Variants in TSPAN5 observed in about 807,000 individuals in gnomAD.
The protein encoded by TSPAN5 is tetraspanin-5.
In TSPAN5, 10 loss-of-function variants were observed where a neutral mutation model predicts 37.1. That is an observed-to-expected ratio of 0.27 (90% CI 0.17 to 0.46). TSPAN5 has a LOEUF of 0.46. Ranked by LOEUF, TSPAN5 falls within the 20% of genes least tolerant of loss-of-function variation. TSPAN5 has a pLI of 1.00. For missense variants in TSPAN5, 195 were observed against 326.6 expected (o/e 0.60, Z 3.11); for synonymous variants, 110 against 118.9 (o/e 0.93, Z 0.48).
At chr4:98,602,112 G>T (rs1755897187) in intron 1 of TSPAN5, among the ~76,000 whole-genome samples, 1 of 152,068 alleles carries the variant, frequency 6.6e-6, no homozygotes, top group South Asian at 2.1e-4. Context: ...TAGTAACAAT[G>T]AAAAAGTATG....
intron 2 of TSPAN5, among the ~76,000 whole-genome samples, chr4:98,490,987 G>A (rs549673597): frequency 4.6e-5 from 7 of 152,148 alleles, no homozygotes; most frequent in South Asian, 2.1e-4. Context: ...GCGTGAACCC[G>A]GGAGGCGGAG....
At position 98,590,475 on chromosome 4, in the gene TSPAN5, C is replaced by T. The variant is rs767045722; in HGVS notation, c.81+67671G>A. Among the ~76,000 whole-genome samples the T allele has an allele frequency of 2.6e-5, 4 of 152,048 alleles. No individual in the cohort carries two copies. In the East Asian group the frequency reaches 7.7e-4, roughly 29 times the overall value. Reference sequence around the variant, plus strand: ...CCTGTAATCCCAGCACTTTGGGAGGCCGAGGTGGGCAGATCACGAGGTCAG... The same window carrying T: ...CCTGTAATCCCAGCACTTTGGGAGGTCGAGGTGGGCAGATCACGAGGTCAG... On this transcript the variant is annotated intron_variant, in intron 1 of 7. Coordinates refer to ENST00000305798, the MANE Select transcript of TSPAN5 (RefSeq NM_005723.4).
In TSPAN5 at chr4:98,658,173, G is replaced by A; in HGVS notation, c.54C>T (p.Phe18=). The stretch of plus-strand genomic sequence containing the variant: ...AAAATATGACATTGAAGCCAAATAT[G>A]AAGTATTTGATGCAACAACTGACTT... The part of the protein sequence containing the change: ...GPEVSCCIKY[F]IFGFNVIFWF... The change falls in exon 1 of 8, where the codon TTC becomes TTT. Residue 18 remains phenylalanine (F), a synonymous_variant. Transcript: ENST00000305798. 3 of 1,614,070 alleles carry A rather than the reference G, an allele frequency of 1.9e-6. No individual in the cohort carries two copies. Among genetic ancestry groups the A allele is most frequent in the Non-Finnish European group, 2.5e-6 (3 of 1,179,904 alleles).
intron 1 of TSPAN5, among the ~76,000 whole-genome samples, chr4:98,588,245 CTGAGAAG>C (rs1449350781): frequency 6.6e-6 from 1 of 152,138 alleles, no homozygotes; most frequent in Non-Finnish European, 1.5e-5. Flanking sequence ...CAAGACATCA[CTGAGAAG>C]CCTTTTAAAT....
chr4:98,572,987 T>C (rs988617568), intron 1 of TSPAN5, among the ~76,000 whole-genome samples: 1 of 152,216 alleles, frequency 6.6e-6, no homozygotes, highest in Non-Finnish European at 1.5e-5. Flanking sequence ...AAACTAACCA[T>C]ATGTTGTTTT....
intron 7 of TSPAN5, among the ~76,000 whole-genome samples, chr4:98,473,884 C>G (rs1460001750): frequency 6.6e-6 from 1 of 152,134 alleles, no homozygotes; most frequent in Non-Finnish European, 1.5e-5. Context: ...CTCTGCTTCC[C>G]AAGCAGCTGG....
At chr4:98,498,724 G>A (rs924835288) in intron 2 of TSPAN5, among the ~76,000 whole-genome samples, 1 of 152,168 alleles carries the variant, frequency 6.6e-6, no homozygotes, top group Non-Finnish European at 1.5e-5. Flanking sequence ...CACCTCCCGG[G>A]AGCTCTGAAG....
chr4:98,602,715 C>A (rs867909618), intron 1 of TSPAN5, among the ~76,000 whole-genome samples: 2 of 152,304 alleles, frequency 1.3e-5, no homozygotes, highest in African/African-American at 4.8e-5. Flanking sequence ...ATTGCTCATG[C>A]AGAAGATTAG....
rs757802654 is a variant in TSPAN5, at chr4:98,499,657, C to CTTT, written c.132+8018_132+8020dup. The stretch of plus-strand genomic sequence containing the variant: ...ACCATGAGCTGTTTGGTTTCCAGCT[C>CTTT]TTTTTTTTTTTTTTTTTTTTTGAGA... On this transcript the variant is annotated intron_variant, in intron 2 of 7. Coordinates refer to ENST00000305798, the MANE Select transcript of TSPAN5 (RefSeq NM_005723.4). Among the ~76,000 whole-genome samples, 305 of 108,044 alleles carry CTTT rather than the reference C, an allele frequency of 2.8e-3. 4 individuals are homozygous for CTTT. Among genetic ancestry groups the CTTT allele is most frequent in the African/African-American group, 4.8e-3 (128 of 26,546 alleles). The allele number at this position is 108,044 out of a possible 152,430, so 70.9% of individuals were successfully genotyped here.
intron 1 of TSPAN5, among the ~76,000 whole-genome samples, chr4:98,569,146 A>G (rs528369325): frequency 3.5e-4 from 54 of 152,302 alleles, no homozygotes; most frequent in African/African-American, 1.3e-3. Context: ...CCAGCCAAGT[A>G]AGCATCTGAT....
At chr4:98,627,022 T>G (rs1180651672) in intron 1 of TSPAN5, among the ~76,000 whole-genome samples, 1 of 151,908 alleles carries the variant, frequency 6.6e-6, no homozygotes, top group Non-Finnish European at 1.5e-5. Flanking sequence ...GGTACTTGAT[T>G]AATGAAGCAT....
intron 1 of TSPAN5, among the ~76,000 whole-genome samples, chr4:98,569,752 TTGAGA>T (rs1755080527): frequency 6.6e-6 from 1 of 152,196 alleles, no homozygotes; most frequent in African/African-American, 2.4e-5. Context: ...TGGATGTGAT[TTGAGA>T]TATGTTCATT....
intron 1 of TSPAN5, among the ~76,000 whole-genome samples, chr4:98,557,904 T>C (rs1754788895): frequency 6.6e-6 from 1 of 152,100 alleles, no homozygotes; most frequent in Non-Finnish European, 1.5e-5. Flanking sequence ...TCCTCAAAAC[T>C]GTCAAGATCA....
rs189869461 is a variant in TSPAN5 at position 98,637,876 on chromosome 4, T to C, written c.81+20270A>G. 2.2e-4 allele frequency among the ~76,000 whole-genome samples: 33 copies of C among 152,322 alleles called. 1 individual carries two copies. The highest frequency in any genetic ancestry group is 1.8e-3 in the Admixed American group (28 of 15,302). ...CATTTTATCTATAAATATCAAAAAG[T>C]AAACTTAGAAATTATCTTTCCTTCA... On this transcript the variant is annotated intron_variant, in intron 1 of 7. Coordinates refer to ENST00000305798, the MANE Select transcript of TSPAN5 (RefSeq NM_005723.4).
At chr4:98,625,493 C>T (rs527590614) in intron 1 of TSPAN5, among the ~76,000 whole-genome samples, 15 of 152,282 alleles carry the variant, frequency 9.9e-5, no homozygotes, top group Admixed American at 7.8e-4. Context: ...GCAAGATTGA[C>T]GTTACTTCAC....
At chr4:98,551,742 C>G (rs1754623519) in intron 1 of TSPAN5, among the ~76,000 whole-genome samples, 2 of 150,280 alleles carry the variant, frequency 1.3e-5, no homozygotes, top group Admixed American at 1.3e-4. Flanking sequence ...CCTCGTGATC[C>G]ACACACCACG....
At chr4:98,588,825 C>G (rs2110204681) in intron 1 of TSPAN5, among the ~76,000 whole-genome samples, 1 of 152,286 alleles carries the variant, frequency 6.6e-6, no homozygotes, top group East Asian at 1.9e-4. Context: ...GAAATAATGT[C>G]ATTGAGTTTA....
At chr4:98,629,181 T>C (rs1756685994) in intron 1 of TSPAN5, among the ~76,000 whole-genome samples, 1 of 152,160 alleles carries the variant, frequency 6.6e-6, no homozygotes. Context: ...AATGGATAAT[T>C]TGTCTATGAA....
At chr4:98,592,489 GGTTA>G (rs1755670153) in intron 1 of TSPAN5, among the ~76,000 whole-genome samples, 3 of 142,138 alleles carry the variant, frequency 2.1e-5, no homozygotes, top group Middle Eastern at 3.5e-3. Flanking sequence ...ACATTGTGCA[GGTTA>G]GTTACATATG....
Sources: allele counts gnomAD v4.1 joint callset (sites outside exome capture counted in the v4.1 genomes callset), GRCh38; gene constraint gnomAD v4.1.1; transcripts MANE v1.5; gene names NCBI Gene and HGNC (gene_info 2026-07-23, HGNC 2026-07-21).